Variants in DAB1 observed in about 807,000 individuals in gnomAD.
DAB1 encodes DAB adaptor protein 1.
DAB1 carries 15 observed loss-of-function variants against 64.6 expected under a neutral mutation model. The observed-to-expected ratio is 0.23, with a 90% confidence interval of 0.16 to 0.36. The LOEUF is 0.36. Ranked by LOEUF, DAB1 falls within the 10% of genes least tolerant of loss-of-function variation. The pLI is 1.00. For missense variants in DAB1, 596 were observed against 706.7 expected (o/e 0.84, Z 1.78); for synonymous variants, 235 against 251.9 (o/e 0.93, Z 0.64).
At chr1:57,546,555 C>G (rs1254269900) in intron 7 of DAB1, among the ~76,000 whole-genome samples, 1 of 152,160 alleles carries the variant, frequency 6.6e-6, no homozygotes, top group African/African-American at 2.4e-5. Context: ...ATAGTATCCC[C>G]TTTACAGAAC....
At chr1:57,170,065 C>T (rs1196930428) in intron 2 of DAB1, among the ~76,000 whole-genome samples, 1 of 151,162 alleles carries the variant, frequency 6.6e-6, no homozygotes, top group African/African-American at 2.4e-5. Context: ...GGTGTGAACT[C>T]GGCTCCCTGC....
At chr1:57,116,489 A>C (rs1238560164) in intron 4 of DAB1, among the ~76,000 whole-genome samples, 4 of 150,004 alleles carry the variant, frequency 2.7e-5, no homozygotes, top group Non-Finnish European at 5.9e-5. Context: ...AAAAAGAAAG[A>C]AAGCAGGTTG....
At chr1:57,113,564 G>A (rs1655851288) in intron 4 of DAB1, among the ~76,000 whole-genome samples, 1 of 152,206 alleles carries the variant, frequency 6.6e-6, no homozygotes, top group South Asian at 2.1e-4. Flanking sequence ...TATGTAAACA[G>A]ATGAGTGTGA....
intron 7 of DAB1, among the ~76,000 whole-genome samples, chr1:57,529,769 A>G (rs920041097): frequency 4.6e-5 from 7 of 152,096 alleles, no homozygotes; most frequent in Non-Finnish European, 8.8e-5. Context: ...CAACCACCAA[A>G]AATAGTATCA....
intron 5 of DAB1, among the ~76,000 whole-genome samples, chr1:57,970,448 A>G (rs1936411): frequency 0.83 from 126,456 of 151,944 alleles, 53,548 homozygotes; most frequent in Middle Eastern, 0.93. Context: ...CAATTTTCCC[A>G]GGGCTCCTTG....
At chr1:58,145,084 T>C (rs761302320) in intron 5 of DAB1, among the ~76,000 whole-genome samples, 4 of 152,220 alleles carry the variant, frequency 2.6e-5, no homozygotes, top group Non-Finnish European at 5.9e-5. Context: ...AAACCTTTTG[T>C]ACTTGCTAAA....
intron 7 of DAB1, among the ~76,000 whole-genome samples, chr1:57,621,390 CG>C (rs1444863895): frequency 6.6e-6 from 1 of 150,880 alleles, no homozygotes; most frequent in Non-Finnish European, 1.5e-5. Context: ...TGGGATAGTG[CG>C]TGGGGGTGGG....
Position 57,633,538 on chromosome 1 carries a change from G to A in DAB1, n.625+16054C>T, listed in dbSNP as rs187240283. On this transcript the variant is annotated intron_variant and non_coding_transcript_variant, in intron 7 of 20. Transcript: ENST00000485760. ...GGAAAGGTGTTTGAATAAGCTTTGT[G>A]CTGGGAAGGGAGGGACAGAGTGGGG... Among the ~76,000 whole-genome samples the A allele has an allele frequency of 1.9e-3, 288 of 152,322 alleles. 1 individual carries two copies. Among genetic ancestry groups the A allele is most frequent in the African/African-American group, 6.6e-3 (273 of 41,556 alleles).
rs1041093398 is a variant in DAB1, at chr1:58,412,160, G to A, written n.258-68757C>T. On this transcript the variant is annotated intron_variant and non_coding_transcript_variant, in intron 3 of 20. Transcript: ENST00000485760. ...TCCTTTGGTGTTGCTCAGCTGGGAA[G>A]ACATGAGTTGGGACTGCCAGACTGT... Among the ~76,000 whole-genome samples the A allele has an allele frequency of 4.6e-5, 7 of 152,312 alleles. No individual in the cohort carries two copies. In the South Asian group the frequency reaches 6.2e-4, roughly 14 times the overall value.
intron 4 of DAB1, among the ~76,000 whole-genome samples, chr1:58,326,519 C>G (rs1341326119): frequency 6.6e-6 from 1 of 152,176 alleles, no homozygotes; most frequent in South Asian, 2.1e-4. Context: ...CAGATTCCAC[C>G]TGAAGATGGA....
intron 9 of DAB1, among the ~76,000 whole-genome samples, chr1:57,057,807 A>C (rs1557643874): frequency 6.6e-6 from 1 of 151,364 alleles, no homozygotes; most frequent in Non-Finnish European, 1.5e-5. Flanking sequence ...ACGGGGTTTC[A>C]CTGTATTAGC....
At chr1:58,184,985 C>T (rs1200889400) in intron 4 of DAB1, among the ~76,000 whole-genome samples, 6 of 152,124 alleles carry the variant, frequency 3.9e-5, no homozygotes, top group African/African-American at 1.4e-4. Flanking sequence ...GCAGACTGCA[C>T]TCAAATCAAC....
At chr1:58,127,322 C>A (rs796131097) in intron 5 of DAB1, among the ~76,000 whole-genome samples, 1 of 151,398 alleles carries the variant, frequency 6.6e-6, no homozygotes, top group Non-Finnish European at 1.5e-5. Flanking sequence ...TTTTTTCCTG[C>A]AAATTTGTTT....
chr1:57,422,524 C>T (rs1684999287), intron 1 of DAB1, among the ~76,000 whole-genome samples: 1 of 152,210 alleles, frequency 6.6e-6, no homozygotes, highest in South Asian at 2.1e-4. Context: ...GCGCGCACCC[C>T]AGACTCGGCG....
At chr1:57,134,436 A>C (rs1657902444) in intron 4 of DAB1, among the ~76,000 whole-genome samples, 1 of 146,464 alleles carries the variant, frequency 6.8e-6, no homozygotes, top group African/African-American at 2.5e-5. Flanking sequence ...AATACAAAAA[A>C]ATTTAGCTGG....
At chr1:58,512,929 A>G (rs6667703) in intron 2 of DAB1, among the ~76,000 whole-genome samples, 88,645 of 152,050 alleles carry the variant, frequency 0.58, 28,051 homozygotes, top group East Asian at 0.82. Context: ...AAAAGTAACG[A>G]TAGACCAAAA....
chr1:57,211,977 T>C (rs963485048), intron 2 of DAB1, among the ~76,000 whole-genome samples: 4 of 152,206 alleles, frequency 2.6e-5, no homozygotes, highest in Admixed American at 6.5e-5. Flanking sequence ...CCCCCAAAGA[T>C]ACTGAGGAAT....
intron 1 of DAB1, among the ~76,000 whole-genome samples, chr1:57,877,973 G>C (rs1644079170): frequency 6.6e-6 from 1 of 152,186 alleles, no homozygotes; most frequent in African/African-American, 2.4e-5. Context: ...GCTATGTAGA[G>C]AGGTTCACTC....
At chr1:58,081,707 G>C (rs941927249) in intron 5 of DAB1, among the ~76,000 whole-genome samples, 1 of 152,188 alleles carries the variant, frequency 6.6e-6, no homozygotes, top group African/African-American at 2.4e-5. Context: ...CTACTTCAAA[G>C]GGCTGCCAGT....
Sources: gnomAD v4.1 joint callset for allele counts (sites outside exome capture counted in the v4.1 genomes callset) on GRCh38, gnomAD v4.1.1 for gene constraint, MANE v1.5 for transcripts, NCBI Gene and HGNC (gene_info 2026-07-23, HGNC 2026-07-21) for gene names.